The following UBASH3B variants were observed in gnomAD, a reference collection of about 807,000 sequenced individuals.
UBASH3B encodes ubiquitin-associated and SH3 domain-containing protein B.
In UBASH3B, 37 loss-of-function variants were observed where a neutral mutation model predicts 83.4. The ratio of observed to expected loss-of-function variants is 0.44; its 90% CI spans 0.34 to 0.58. The LOEUF (loss-of-function observed/expected upper bound fraction) is 0.58, where lower values mean the gene tolerates loss of function less well. UBASH3B is among the 20% of genes least tolerant of loss of function. The pLI is 0.01. For missense variants in UBASH3B, 657 were observed against 827.2 expected, an observed-to-expected ratio of 0.79 and a Z score of 2.52; for synonymous variants, 304 against 318.3, an observed-to-expected ratio of 0.96 and a Z score of 0.48.
intron 5 of UBASH3B, among the ~76,000 whole-genome samples, chr11:122,787,360 T>A (rs1023177962): frequency 3.9e-5 from 6 of 152,022 alleles, no homozygotes; most frequent in Non-Finnish European, 5.9e-5. Context: ...AAGGAGGCAA[T>A]CAGAGCAGGG....
At chr11:122,656,583 G>A (rs1863367225) in intron 1 of UBASH3B, among the ~76,000 whole-genome samples, 1 of 152,198 alleles carries the variant, frequency 6.6e-6, no homozygotes, top group African/African-American at 2.4e-5. Context: ...GGGCCCTGCG[G>A]AGGACTCGGG....
At chr11:122,772,362 G>A (rs941672353) in intron 1 of UBASH3B, among the ~76,000 whole-genome samples, 5 of 152,128 alleles carry the variant, frequency 3.3e-5, no homozygotes, top group South Asian at 4.1e-4. Flanking sequence ...TGTACATCCC[G>A]TGATAATTCA....
chr11:122,790,505 T>G (rs1480585510), intron 6 of UBASH3B, among the ~76,000 whole-genome samples: 2 of 152,214 alleles, frequency 1.3e-5, no homozygotes, highest in African/African-American at 4.8e-5. Flanking sequence ...AGTCTCCATT[T>G]TAATCCCTAC....
At chr11:122,804,184 G>A (rs1162993286) in intron 11 of UBASH3B, among the ~76,000 whole-genome samples, 1 of 152,138 alleles carries the variant, frequency 6.6e-6, no homozygotes, top group African/African-American at 2.4e-5. Context: ...GGGAGATGAG[G>A]TGACATAAAT....
At chr11:122,662,413 TC>T (rs1422607515) in intron 1 of UBASH3B, among the ~76,000 whole-genome samples, 3 of 151,002 alleles carry the variant, frequency 2.0e-5, no homozygotes, top group African/African-American at 7.3e-5. Context: ...CAGCCACCAG[TC>T]GCTTTTTCTT....
At chr11:122,685,881 C>G (rs1863802882) in intron 1 of UBASH3B, among the ~76,000 whole-genome samples, 1 of 152,166 alleles carries the variant, frequency 6.6e-6, no homozygotes. Context: ...TGGGGTCTTC[C>G]TCGAGCTTCA....
At chr11:122,657,008 C>T (rs1863373501) in intron 1 of UBASH3B, among the ~76,000 whole-genome samples, 1 of 152,164 alleles carries the variant, frequency 6.6e-6, no homozygotes, top group Admixed American at 6.5e-5. Flanking sequence ...TGGCGGCGGC[C>T]GGAGTCGTCT....
chr11:122,693,864 C>T (rs574571639), intron 1 of UBASH3B, among the ~76,000 whole-genome samples: 4 of 152,220 alleles, frequency 2.6e-5, no homozygotes, highest in Non-Finnish European at 4.4e-5. Context: ...GAGTGAGACT[C>T]TGTCTCGAAA....
At chr11:122,753,175 G>T (rs959667817) in intron 1 of UBASH3B, among the ~76,000 whole-genome samples, 1 of 151,592 alleles carries the variant, frequency 6.6e-6, no homozygotes, top group African/African-American at 2.4e-5. Context: ...CAGGTGCTGT[G>T]GCTCGCGCCT....
intron 1 of UBASH3B, among the ~76,000 whole-genome samples, chr11:122,757,293 C>A (rs1223618828): frequency 1.3e-5 from 2 of 152,112 alleles, no homozygotes; most frequent in Non-Finnish European, 2.9e-5. Context: ...GTGAAAGAAA[C>A]CCCAGAGAGC....
intron 1 of UBASH3B, among the ~76,000 whole-genome samples, chr11:122,660,384 C>G (rs1023077616): frequency 1.3e-5 from 2 of 152,094 alleles, no homozygotes; most frequent in African/African-American, 4.8e-5. Context: ...TTTCTATGCC[C>G]ACTAGCACTT....
intron 1 of UBASH3B, among the ~76,000 whole-genome samples, chr11:122,729,823 TA>T (rs1860809599): frequency 1.1e-5 from 1 of 89,830 alleles, no homozygotes; most frequent in Non-Finnish European, 2.2e-5. Flanking sequence ...AAAAAAACCC[TA>T]AAAAGTTACC....
chr11:122,790,346 C>G (rs552542457), intron 6 of UBASH3B, among the ~76,000 whole-genome samples: 1 of 152,262 alleles, frequency 6.6e-6, no homozygotes, highest in South Asian at 2.1e-4. Flanking sequence ...CTCCCCCTCT[C>G]CCTCACTCTG....
chr11:122,726,208 T>C (rs188682924), intron 1 of UBASH3B: 66 of 153,582 alleles, frequency 4.3e-4, no homozygotes, highest in African/African-American at 1.5e-3. Flanking sequence ...TTTCTTTTCA[T>C]GTCAGATGGG....
intron 1 of UBASH3B, among the ~76,000 whole-genome samples, chr11:122,683,770 TGTGTGTGA>T (rs56897292): frequency 0.47 from 66,115 of 140,710 alleles, 15,723 homozygotes; most frequent in Middle Eastern, 0.62. Flanking sequence ...TGTGTGTGTG[TGTGTGTGA>T]GCCAGGTTTC....
intron 1 of UBASH3B, among the ~76,000 whole-genome samples, chr11:122,694,261 G>A (rs1370094917): frequency 2.0e-5 from 3 of 152,064 alleles, no homozygotes; most frequent in East Asian, 1.9e-4. Context: ...GGGAGGGGAT[G>A]TAACAAGAAT....
chr11:122,771,127 G>A (rs1156498071), intron 1 of UBASH3B, among the ~76,000 whole-genome samples: 2 of 152,088 alleles, frequency 1.3e-5, no homozygotes, highest in Non-Finnish European at 2.9e-5. Context: ...GGATTTTCCT[G>A]CACATGCAGT....
chr11:122,797,159 A>G, intron 9 of UBASH3B, 126 bp downstream of exon 9: 1 of 1,322,290 alleles, frequency 7.6e-7, no homozygotes, highest in South Asian at 1.4e-5. Context: ...CCTCAATTCA[A>G]AAGGAACTTA....
intron 1 of UBASH3B, among the ~76,000 whole-genome samples, chr11:122,674,052 T>C (rs1481372950): frequency 6.6e-6 from 1 of 152,096 alleles, no homozygotes; most frequent in African/African-American, 2.4e-5. Flanking sequence ...GAAACAGATA[T>C]GGCTAGAGAA....
Sources: gnomAD v4.1 joint callset for allele counts (sites outside exome capture counted in the v4.1 genomes callset) on GRCh38, gnomAD v4.1.1 for gene constraint, MANE v1.5 for transcripts, NCBI Gene and HGNC (gene_info 2026-07-23, HGNC 2026-07-21) for gene names.